PCDHGA3: variants seen among roughly 807,000 people sequenced by gnomAD.
PCDHGA3 encodes the protein protocadherin gamma subfamily A, 3, also known as protocadherin gamma-A3.
A neutral mutation model predicts 58.5 loss-of-function variants in PCDHGA3; 40 were observed. The observed-to-expected ratio is 0.68, with a 90% CI of 0.53 to 0.89. PCDHGA3 has a LOEUF of 0.89. Among genes scored for constraint, PCDHGA3 ranks in the 40% least tolerant of loss-of-function variants. The pLI is 0.00. For synonymous variants in PCDHGA3, 530 were observed against 525.7 expected, an observed-to-expected ratio of 1.01 and a Z score of -0.11; for missense variants, 1,223 against 1,195.9, an observed-to-expected ratio of 1.02 and a Z score of -0.33.
rs139156138 is a variant in PCDHGA3 at position 141,472,179 on chromosome 5, T to C, written c.2425-22628T>C. 5.1e-4 allele frequency among the ~76,000 whole-genome samples: 77 copies of C among 152,246 alleles called. 4 individuals are homozygous for C. The East Asian group carries it at 0.014, about 27-fold the overall frequency. On this transcript the variant is annotated intron_variant, in intron 1 of 3. Coordinates refer to ENST00000253812, the MANE Select transcript of PCDHGA3 (RefSeq NM_018916.4). ...TAGCTACTAGGTGTAATATCCAGTATTGGAATTTGAATCTTTTTGACACTA... is the reference window on the plus strand; with the variant it reads ...TAGCTACTAGGTGTAATATCCAGTACTGGAATTTGAATCTTTTTGACACTA...
rs761483380 is a variant in PCDHGA3, at chr5:141,360,655, GACA to G, written c.2424+14201_2424+14203del. ...CTCACTACAAAGATACCACCTTAAT[GACA>G]ACGAGTACTTTGATCTCGCTGAGAA... On this transcript the variant is annotated intron_variant, in intron 1 of 3. Transcript: ENST00000253812. 1.3e-4 allele frequency: 212 copies of G among 1,613,970 alleles called. No homozygotes were observed. The Middle Eastern group carries it at 2.3e-3, about 18-fold the overall frequency.
intron 1 of PCDHGA3, among the ~76,000 whole-genome samples, chr5:141,369,622 ATTACCT>A (rs1766388164): frequency 6.6e-6 from 1 of 152,224 alleles, no homozygotes; most frequent in South Asian, 2.1e-4. Flanking sequence ...TCATTTCCTC[ATTACCT>A]TTAACTTCTT....
At chr5:141,351,750 T>G (rs896637851) in intron 1 of PCDHGA3, 1 of 1,613,678 alleles carries the variant, frequency 6.2e-7, no homozygotes, top group African/African-American at 1.3e-5. Flanking sequence ...CCGCGGGAGC[T>G]GTTGTCCTAC....
rs759346998 is a variant in PCDHGA3, at chr5:141,410,849, C to CTTTTTTTTTTTTTTTTTTTTTTTTTTTTT, written c.2424+64414_2424+64415insTTTTTTTTTTTTTTTTTTTTTTTTTTTTT. 5.4e-5 allele frequency: 7 copies of CTTTTTTTTTTTTTTTTTTTTTTTTTTTTT among 129,786 alleles called. 2 individuals carry two copies. The highest frequency in any genetic ancestry group is 3.0e-4 in the African/African-American group (5 of 16,598). 8.0% of individuals were successfully genotyped at this position (129,786 alleles called of 1,614,324 possible). A position where few individuals can be genotyped will look rare whatever the true frequency, so the allele number is the denominator to read the frequency against. ...CAGACTGAAGATATTTTGTCTTTGT[C>CTTTTTTTTTTTTTTTTTTTTTTTTTTTTT]TTTTTTTTTTTTTTTTTTTTTTGAG... On this transcript the variant is annotated intron_variant, in intron 1 of 3. Transcript: ENST00000253812.
chr5:141,427,528 A>G (rs1360860476), intron 1 of PCDHGA3: 1 of 617,748 alleles, frequency 1.6e-6, no homozygotes, highest in Non-Finnish European at 3.0e-6. Context: ...CGGATCCCGG[A>G]GTACAACGTC....
chr5:141,374,386 G>A (rs933509212), intron 1 of PCDHGA3: 6 of 1,613,940 alleles, frequency 3.7e-6, no homozygotes, highest in Admixed American at 1.7e-5. Context: ...AGAGCCCGCG[G>A]TGTCTGGTGA....
intron 1 of PCDHGA3, chr5:141,471,417 T>A (rs1174855045): frequency 6.6e-6 from 1 of 152,190 alleles, no homozygotes; most frequent in Non-Finnish European, 1.5e-5. Flanking sequence ...GTTATGTTTT[T>A]AGCAAGGAAA....
At position 141,476,581 on chromosome 5, in the gene PCDHGA3, G is replaced by A. The variant is rs1393235114; in HGVS notation, c.2425-18226G>A. The A allele has an allele frequency of 5.0e-6, 8 of 1,614,230 alleles. No individual in the cohort carries two copies. The highest frequency in any genetic ancestry group is 6.8e-6 in the Non-Finnish European group (8 of 1,180,042). ...CCGTGGCTCCGGGGACGCGCTTTCC[G>A]CTCGAGAGCGCGCACGATCCCGATG... On this transcript the variant is annotated intron_variant, in intron 1 of 3. Transcript: ENST00000253812. This position sits in a 1 kb window ranked among gnomAD's most constrained non-coding sequence, Gnocchi z 7.6.
intron 1 of PCDHGA3, chr5:141,372,953 C>T (rs1217005690): frequency 1.5e-5 from 11 of 745,036 alleles, no homozygotes; most frequent in Non-Finnish European, 2.3e-5. Context: ...CTAGGAAATT[C>T]TTTGTAGAAT....
chr5:141,455,388 A>C (rs1415223043), intron 1 of PCDHGA3, among the ~76,000 whole-genome samples: 1 of 152,086 alleles, frequency 6.6e-6, no homozygotes, highest in Non-Finnish European at 1.5e-5. Context: ...AGAAGGAAGG[A>C]GCTCCCCCTT....
chr5:141,379,819 A>T (rs1775847622), intron 1 of PCDHGA3, among the ~76,000 whole-genome samples: 1 of 150,144 alleles, frequency 6.7e-6, no homozygotes, highest in African/African-American at 2.4e-5. Context: ...TCAGTATAGA[A>T]TTTTGAAGCA....
At chr5:141,374,042 C>G (rs757758510) in intron 1 of PCDHGA3, 4 of 1,460,408 alleles carry the variant, frequency 2.7e-6, no homozygotes, top group Admixed American at 5.4e-5. Context: ...CAGATCTGTT[C>G]TTCCTCTTCT....
chr5:141,404,071 C>T, intron 1 of PCDHGA3: 2 of 1,613,734 alleles, frequency 1.2e-6, no homozygotes, highest in Non-Finnish European at 1.7e-6. Context: ...ATGCTCATGA[C>T]CGAGACTCCG....
chr5:141,452,652 C>T (rs1420422511), intron 1 of PCDHGA3, among the ~76,000 whole-genome samples: 1 of 151,916 alleles, frequency 6.6e-6, no homozygotes. Flanking sequence ...TCATTTGCTC[C>T]ATCCACTGCA....
chr5:141,362,973 G>C (rs1762750308), intron 1 of PCDHGA3, among the ~76,000 whole-genome samples: 1 of 152,216 alleles, frequency 6.6e-6, no homozygotes, highest in Non-Finnish European at 1.5e-5. Flanking sequence ...AAAGAAGAAA[G>C]ACTTTTGCAT....
intron 1 of PCDHGA3, chr5:141,365,998 C>G: frequency 6.2e-7 from 1 of 1,614,234 alleles, no homozygotes. Context: ...TGGACCAGAA[C>G]GACAATACGC....
chr5:141,370,539 AAC>A, intron 1 of PCDHGA3: 3 of 1,613,826 alleles, frequency 1.9e-6, no homozygotes, highest in Non-Finnish European at 2.5e-6. Context: ...GCTGGTAGGG[AAC>A]CTCGCCAAGG....
intron 1 of PCDHGA3, chr5:141,371,014 A>G (rs765278378): frequency 8.7e-6 from 14 of 1,613,890 alleles, no homozygotes; most frequent in South Asian, 1.1e-5. Flanking sequence ...GAGCAGCCAC[A>G]TCACCACCTG....
intron 1 of PCDHGA3, chr5:141,421,469 G>C (rs767500900): frequency 2.5e-6 from 4 of 1,614,122 alleles, no homozygotes; most frequent in Non-Finnish European, 3.4e-6. Context: ...GTGAATCCGC[G>C]AAGCGGCAGC....
Sources: gnomAD v4.1 joint callset for allele counts (sites outside exome capture counted in the v4.1 genomes callset) on GRCh38, gnomAD v4.1.1 for gene constraint, Gnocchi (gnomAD v3.1) non-coding constraint, MANE v1.5 for transcripts, NCBI Gene and HGNC (gene_info 2026-07-23, HGNC 2026-07-21) for gene names.